NSMCE2: variants seen among roughly 807,000 people sequenced by gnomAD.
NSMCE2 encodes the protein E3 SUMO-protein ligase NSE2.
A neutral mutation model predicts 23.8 loss-of-function variants in NSMCE2; 24 were observed. That is an observed-to-expected ratio of 1.01 (90% CI 0.73 to 1.42). NSMCE2 has a LOEUF of 1.42. Among genes scored for constraint, NSMCE2 ranks in the 40% most tolerant of loss-of-function variants. NSMCE2 has a pLI of 0.00. For synonymous variants in NSMCE2, 92 were observed against 94.1 expected (o/e 0.98, Z 0.13); for missense variants, 284 against 296.5 (o/e 0.96, Z 0.31).
intron 5 of NSMCE2, among the ~76,000 whole-genome samples, chr8:125,300,535 A>G (rs6985411): frequency 0.89 from 135,551 of 152,200 alleles, 60,502 homozygotes; most frequent in African/African-American, 0.95. Flanking sequence ...TTAAAAAGTT[A>G]TGGTATCTCA....
intron 5 of NSMCE2, among the ~76,000 whole-genome samples, chr8:125,195,191 A>G (rs755830967): frequency 1.3e-5 from 2 of 152,184 alleles, no homozygotes; most frequent in African/African-American, 2.4e-5. Flanking sequence ...CTAGGCGTCA[A>G]TATCAACTGT....
At chr8:125,205,399 A>C (rs963334096) in intron 5 of NSMCE2, among the ~76,000 whole-genome samples, 25 of 152,234 alleles carry the variant, frequency 1.6e-4, no homozygotes, top group African/African-American at 6.0e-4. Flanking sequence ...ATGGAACCCC[A>C]AACTGAAATA....
At chr8:125,177,871 T>C (rs1277307900) in intron 4 of NSMCE2, among the ~76,000 whole-genome samples, 1 of 152,224 alleles carries the variant, frequency 6.6e-6, no homozygotes, top group Non-Finnish European at 1.5e-5. Context: ...TAAATGTTTC[T>C]AGCTTCGTAC....
chr8:125,092,033 C>T (rs1012754070), intron 1 of NSMCE2, 75 bp downstream of exon 1: 3 of 152,200 alleles, frequency 2.0e-5, no homozygotes, highest in African/African-American at 7.2e-5. Flanking sequence ...TCCACGGGGA[C>T]TCCGAGCCGG....
chr8:125,207,917 GA>G (rs1824177928), intron 5 of NSMCE2, among the ~76,000 whole-genome samples: 1 of 152,220 alleles, frequency 6.6e-6, no homozygotes, highest in African/African-American at 2.4e-5. Context: ...CCTGGACTTG[GA>G]AATCTCACAG....
intron 3 of NSMCE2, among the ~76,000 whole-genome samples, chr8:125,104,436 A>G (rs1275332760): frequency 6.6e-6 from 1 of 152,178 alleles, no homozygotes; most frequent in African/African-American, 2.4e-5. Context: ...TAGCCTTGTT[A>G]CAAAGCATGG....
intron 5 of NSMCE2, among the ~76,000 whole-genome samples, chr8:125,271,700 G>A (rs989560256): frequency 2.0e-5 from 3 of 152,180 alleles, no homozygotes; most frequent in African/African-American, 7.2e-5. Flanking sequence ...AGCTCCTGGG[G>A]TTTCAACATC....
At chr8:125,126,174 G>C (rs1284568136) in intron 3 of NSMCE2, among the ~76,000 whole-genome samples, 1 of 152,084 alleles carries the variant, frequency 6.6e-6, no homozygotes, top group African/African-American at 2.4e-5. Flanking sequence ...CTTGAGGTCA[G>C]GAGTTCGAGA....
chr8:125,149,521 T>C (rs941970224), intron 3 of NSMCE2, among the ~76,000 whole-genome samples: 12 of 152,182 alleles, frequency 7.9e-5, no homozygotes, highest in Admixed American at 7.9e-4. Context: ...TTTCATTTAG[T>C]TATCTTAAAT....
chr8:125,185,653 G>T (rs953171912), intron 5 of NSMCE2, among the ~76,000 whole-genome samples: 4 of 152,034 alleles, frequency 2.6e-5, no homozygotes, highest in Admixed American at 1.3e-4. Flanking sequence ...TTGTTCATTG[G>T]TTATATCAAC....
chr8:125,127,744 T>C (rs1819582153), intron 3 of NSMCE2, among the ~76,000 whole-genome samples: 1 of 152,166 alleles, frequency 6.6e-6, no homozygotes, highest in African/African-American at 2.4e-5. Context: ...GTATCCCTTA[T>C]GTGAAATGTT....
chr8:125,107,992 C>T (rs759025617), intron 3 of NSMCE2, among the ~76,000 whole-genome samples: 23 of 151,854 alleles, frequency 1.5e-4, no homozygotes, highest in Non-Finnish European at 2.2e-4. Context: ...TGAGATCACA[C>T]GACTGTACTC....
In NSMCE2 at chr8:125,213,544, C is replaced by G. The variant is rs539613235; in HGVS notation, c.418+31288C>G. On this transcript the variant is annotated intron_variant, in intron 5 of 7. Coordinates refer to ENST00000287437, the MANE Select transcript of NSMCE2 (RefSeq NM_173685.4). ...CCTCTCCTCTCCTCTCCTCTCCCCT[C>G]CACTCCCCTCCCCCTTTCCCCTCCC... is the stretch of plus-strand genomic sequence containing the variant. Among the ~76,000 whole-genome samples, 38 of 128,892 alleles carry G rather than the reference C, an allele frequency of 2.9e-4. No homozygotes were observed. In the East Asian group the frequency reaches 9.0e-3, roughly 31 times the overall value. The allele number at this position is 128,892 out of a possible 152,430, so 84.6% of individuals were successfully genotyped here.
At chr8:125,348,439 G>A (rs555391793) in intron 5 of NSMCE2, 14 of 152,118 alleles carry the variant, frequency 9.2e-5, no homozygotes, top group South Asian at 4.1e-4. Context: ...TGAATTCTGC[G>A]AAATGTCTTC....
At chr8:125,137,604 A>T (rs1340527126) in intron 3 of NSMCE2, among the ~76,000 whole-genome samples, 1 of 152,122 alleles carries the variant, frequency 6.6e-6, no homozygotes, top group African/African-American at 2.4e-5. Flanking sequence ...TTTCTCTGGC[A>T]CAGTAGGCAT....
At chr8:125,338,672 T>C (rs997225996) in intron 5 of NSMCE2, among the ~76,000 whole-genome samples, 2 of 152,236 alleles carry the variant, frequency 1.3e-5, no homozygotes, top group African/African-American at 4.8e-5. Context: ...TATAAAATCC[T>C]TACTGTTGTA....
At chr8:125,224,993 G>A (rs1273238350) in intron 5 of NSMCE2, among the ~76,000 whole-genome samples, 2 of 152,180 alleles carry the variant, frequency 1.3e-5, no homozygotes, top group Non-Finnish European at 2.9e-5. Context: ...TAGGACATTA[G>A]ATTTTTTCAA....
intron 5 of NSMCE2, among the ~76,000 whole-genome samples, chr8:125,334,714 T>C (rs1830007402): frequency 6.6e-6 from 1 of 150,424 alleles, no homozygotes; most frequent in Non-Finnish European, 1.5e-5. Flanking sequence ...ACTTTGGGGA[T>C]GGTGGGCAGA....
At chr8:125,146,917 C>A (rs923845571) in intron 3 of NSMCE2, among the ~76,000 whole-genome samples, 1 of 151,762 alleles carries the variant, frequency 6.6e-6, no homozygotes, top group Non-Finnish European at 1.5e-5. Context: ...CAAAAAAAAA[C>A]AAACTACCTA....
Sources: allele counts gnomAD v4.1 joint callset (sites outside exome capture counted in the v4.1 genomes callset), GRCh38; gene constraint gnomAD v4.1.1; transcripts MANE v1.5; gene names NCBI Gene and HGNC (gene_info 2026-07-23, HGNC 2026-07-21).